Variants in LDB2 observed in about 807,000 individuals in gnomAD.
LDB2 encodes the protein LIM domain binding 2.
Under a neutral mutation model 44.3 loss-of-function variants are expected in LDB2, and 12 were observed. The observed-to-expected ratio is 0.27, with a 90% CI of 0.17 to 0.44. LDB2 has a LOEUF of 0.44. Among genes scored for constraint, LDB2 ranks in the 20% least tolerant of loss-of-function variants. The probability of loss-of-function intolerance (pLI) is 1.00; values close to 1 mark genes in which losing one functional copy is unlikely to be tolerated. For missense variants in LDB2, 344 were observed against 473.5 expected (o/e 0.73, Z 2.54); for synonymous variants, 164 against 174.8 (o/e 0.94, Z 0.49).
chr4:16,779,066 C>A (rs1650633655), intron 1 of LDB2, among the ~76,000 whole-genome samples: 1 of 152,120 alleles, frequency 6.6e-6, no homozygotes, highest in African/African-American at 2.4e-5. Context: ...CTCTTGTGTT[C>A]TTTTGTTCTA....
At chr4:16,861,527 C>T (rs1712543473) in intron 1 of LDB2, among the ~76,000 whole-genome samples, 1 of 152,182 alleles carries the variant, frequency 6.6e-6, no homozygotes, top group Non-Finnish European at 1.5e-5. Flanking sequence ...TTCAGCTTCC[C>T]TGAAGACCAA....
chr4:16,594,777 G>C (rs1475302098), intron 3 of LDB2, among the ~76,000 whole-genome samples: 3 of 152,316 alleles, frequency 2.0e-5, no homozygotes, highest in Admixed American at 1.3e-4. Context: ...AGTATAAAGA[G>C]AGCGTTGTCA....
chr4:16,568,638 C>T (rs1745381468), intron 5 of LDB2, among the ~76,000 whole-genome samples: 1 of 152,112 alleles, frequency 6.6e-6, no homozygotes, highest in African/African-American at 2.4e-5. Context: ...GTTCCAGGAC[C>T]CCCACGAACA....
chr4:16,760,835 A>G (rs888948965), intron 1 of LDB2, among the ~76,000 whole-genome samples: 4 of 152,226 alleles, frequency 2.6e-5, no homozygotes, highest in Non-Finnish European at 5.9e-5. Flanking sequence ...AAGAAACCCT[A>G]TTCGGAAGAC....
intron 5 of LDB2, among the ~76,000 whole-genome samples, chr4:16,549,616 C>T (rs958046313): frequency 1.3e-5 from 2 of 152,172 alleles, no homozygotes; most frequent in African/African-American, 2.4e-5. Context: ...TGGGGCCTTC[C>T]TGCTCAAACT....
chr4:16,760,592 A>T (rs1767681420), intron 1 of LDB2, among the ~76,000 whole-genome samples: 1 of 152,106 alleles, frequency 6.6e-6, no homozygotes, highest in African/African-American at 2.4e-5. Flanking sequence ...TCAGAAACAA[A>T]TATGTATTGG....
At chr4:16,769,141 C>T (rs975310729) in intron 1 of LDB2, among the ~76,000 whole-genome samples, 1 of 152,138 alleles carries the variant, frequency 6.6e-6, no homozygotes, top group Non-Finnish European at 1.5e-5. Context: ...TTCCATCACA[C>T]CTATGGAATT....
At chr4:16,562,529 C>T (rs1286686317) in intron 5 of LDB2, among the ~76,000 whole-genome samples, 1 of 152,216 alleles carries the variant, frequency 6.6e-6, no homozygotes, top group Non-Finnish European at 1.5e-5. Flanking sequence ...CCATCTCACA[C>T]CAGTTACAAT....
chr4:16,584,689 G>A (rs1169331561), intron 5 of LDB2, among the ~76,000 whole-genome samples: 1 of 152,232 alleles, frequency 6.6e-6, no homozygotes, highest in Non-Finnish European at 1.5e-5. Context: ...GAGACGGGTA[G>A]TGCCTTCTTT....
intron 1 of LDB2, 93 bp from the exon 2 acceptor site, chr4:16,759,353 T>A (rs1388181484): frequency 1.1e-6 from 1 of 904,272 alleles, no homozygotes; most frequent in African/African-American, 1.7e-5. Flanking sequence ...ACTCAGCTGC[T>A]CCTTGCTCAT....
chr4:16,655,895 A>AATTTTTTT (rs1560775125), intron 2 of LDB2, among the ~76,000 whole-genome samples: 3 of 67,752 alleles, frequency 4.4e-5, no homozygotes, highest in Admixed American at 1.6e-4. Context: ...CTGCAAGAAA[A>AATTTTTTT]CTTTTTTTTT....
chr4:16,850,574 A>G (rs756687129), intron 1 of LDB2, among the ~76,000 whole-genome samples: 2 of 152,170 alleles, frequency 1.3e-5, no homozygotes, highest in African/African-American at 4.8e-5. Context: ...ACAGTCTAAG[A>G]ATTAAAAAGT....
intron 2 of LDB2, among the ~76,000 whole-genome samples, chr4:16,689,770 G>A (rs35742096): frequency 0.28 from 42,236 of 152,122 alleles, 6,068 homozygotes; most frequent in Non-Finnish European, 0.33. Flanking sequence ...TGGATTACAA[G>A]TGAATAATGA....
At chr4:16,674,957 T>A (rs1051116061) in intron 2 of LDB2, among the ~76,000 whole-genome samples, 3 of 35,880 alleles carry the variant, frequency 8.4e-5, no homozygotes, top group Admixed American at 2.7e-4. Flanking sequence ...GAATTCCCTG[T>A]TTGCTCATGT....
intron 2 of LDB2, among the ~76,000 whole-genome samples, chr4:16,645,308 G>A (rs966535410): frequency 6.6e-6 from 1 of 151,298 alleles, no homozygotes; most frequent in Non-Finnish European, 1.5e-5. Flanking sequence ...AGGCCGAGGC[G>A]GGTGGATCAT....
At chr4:16,711,265 C>T (rs549143336) in intron 2 of LDB2, among the ~76,000 whole-genome samples, 3 of 152,194 alleles carry the variant, frequency 2.0e-5, no homozygotes, top group African/African-American at 7.2e-5. Context: ...GGAAGAATCA[C>T]GGCATTATGG....
chr4:16,622,779 A>C (rs1729242859), intron 2 of LDB2, among the ~76,000 whole-genome samples: 1 of 152,230 alleles, frequency 6.6e-6, no homozygotes, highest in South Asian at 2.1e-4. Context: ...GCATTTGCTT[A>C]TGGGGGAAAC....
chr4:16,759,133 T>C, intron 2 of LDB2, 25 bp downstream of exon 2: 1 of 1,518,418 alleles, frequency 6.6e-7, no homozygotes, highest in Non-Finnish European at 9.1e-7. Flanking sequence ...CGAGGTAATA[T>C]TAGAAAAATA....
chr4:16,821,624 C>G, intron 1 of LDB2, among the ~76,000 whole-genome samples: 1 of 150,652 alleles, frequency 6.6e-6, no homozygotes. Flanking sequence ...CTCCTAATCT[C>G]GTGATCTGCC....
Sources: allele counts gnomAD v4.1 joint callset (sites outside exome capture counted in the v4.1 genomes callset), GRCh38; gene constraint gnomAD v4.1.1; transcripts MANE v1.5; gene names NCBI Gene and HGNC (gene_info 2026-07-23, HGNC 2026-07-21).